RGSL1: variants seen among roughly 807,000 people sequenced by gnomAD.
RGSL1 encodes regulator of G protein signaling protein-like.
In RGSL1, 97 loss-of-function variants were observed where a neutral mutation model predicts 124.7. The ratio of observed to expected loss-of-function variants is 0.78; its 90% CI spans 0.66 to 0.92. RGSL1 has a LOEUF of 0.92. RGSL1 is among the 40% of genes least tolerant of loss of function. The probability of loss-of-function intolerance (pLI) is 0.00; values close to 1 mark genes in which losing one functional copy is unlikely to be tolerated. For synonymous variants in RGSL1, 424 were observed against 438.1 expected (o/e 0.97, Z 0.40); for missense variants, 1,233 against 1,288.4 (o/e 0.96, Z 0.66).
At position 182,459,863 on chromosome 1, in the gene RGSL1, G is replaced by T. The variant is rs1053592420; in HGVS notation, c.172-141G>T. On this transcript the variant is annotated intron_variant, in intron 3 of 21. Coordinates refer to ENST00000294854, the MANE Select transcript of RGSL1 (RefSeq NM_001137669.2). ...CTTAAGTCCAGGTTCCAGGTTTATAGAAATTGTTTTTAATCAACACACCTA... is the reference window on the plus strand; with the variant it reads ...CTTAAGTCCAGGTTCCAGGTTTATATAAATTGTTTTTAATCAACACACCTA... 6.8e-5 allele frequency: 68 copies of T among 995,560 alleles called. 1 individual carries two copies. The highest frequency in any genetic ancestry group is 5.7e-6 in the Non-Finnish European group (4 of 704,736). The allele number at this position is 995,560 out of a possible 1,614,324, so 61.7% of individuals were successfully genotyped here. A position where few individuals can be genotyped will look rare whatever the true frequency, so the allele number is the denominator to read the frequency against.
Position 182,532,653 on chromosome 1 carries a change from T to C in RGSL1, c.2365-9T>C. On this transcript the variant is annotated splice_polypyrimidine_tract_variant and intron_variant, in intron 13 of 21. Coordinates refer to ENST00000294854, the MANE Select transcript of RGSL1 (RefSeq NM_001137669.2). ...AATGAACATGTTATACTCCTCTTTC[T>C]TTCCCCAGAAGAAAGGCTGGATGAG... The C allele has an allele frequency of 6.5e-7, 1 of 1,550,030 alleles. No individual in the cohort carries two copies. The highest frequency in any genetic ancestry group is 8.7e-7 in the Non-Finnish European group (1 of 1,145,904).
At chr1:182,523,252 G>A (rs1204043928) in intron 10 of RGSL1, among the ~76,000 whole-genome samples, 5 of 148,772 alleles carry the variant, frequency 3.4e-5, no homozygotes, top group Non-Finnish European at 3.0e-5. Flanking sequence ...TGTTGCCCAG[G>A]TTGGTCTCAA....
chr1:182,509,720 AC>A (rs1240753793), intron 9 of RGSL1, among the ~76,000 whole-genome samples: 11 of 116,724 alleles, frequency 9.4e-5, no homozygotes, highest in African/African-American at 3.5e-4. Flanking sequence ...CGGGGGGCTG[AC>A]CCCCCCACCT....
chr1:182,535,103 T>C (rs1190564524), intron 14 of RGSL1, among the ~76,000 whole-genome samples: 2 of 152,176 alleles, frequency 1.3e-5, no homozygotes, highest in Non-Finnish European at 2.9e-5. Context: ...TAAGTGACTA[T>C]ATGAGCAGCT....
intron 14 of RGSL1, among the ~76,000 whole-genome samples, chr1:182,535,373 G>T (rs1049823303): frequency 1.3e-5 from 2 of 152,192 alleles, no homozygotes; most frequent in East Asian, 3.8e-4. Flanking sequence ...CAGAGTGTGT[G>T]TGTGTTTGGT....
intron 10 of RGSL1, among the ~76,000 whole-genome samples, chr1:182,524,640 A>AACT (rs1168531443): frequency 6.6e-5 from 10 of 152,232 alleles, no homozygotes; most frequent in Non-Finnish European, 1.5e-5. Context: ...AGTAACTTCT[A>AACT]ACTACTCACA....
rs540778397 is a variant in RGSL1, at chr1:182,482,706, T to C, written c.1432-5579T>C. On this transcript the variant is annotated intron_variant, in intron 6 of 21. Coordinates refer to ENST00000294854, the MANE Select transcript of RGSL1 (RefSeq NM_001137669.2). ...TTGGTGTGACCAGTATGGAAAACAG[T>C]ATGCAGGTTTCTCAAAAAATGAAAA... Among the ~76,000 whole-genome samples the C allele has an allele frequency of 2.6e-5, 4 of 152,292 alleles. No individual in the cohort carries two copies. In the East Asian group the frequency reaches 7.7e-4, roughly 29 times the overall value.
chr1:182,532,011 T>C (rs1329036761), intron 13 of RGSL1, among the ~76,000 whole-genome samples: 3 of 152,220 alleles, frequency 2.0e-5, no homozygotes, highest in Non-Finnish European at 2.9e-5. Context: ...CACTGCTTTC[T>C]GTCTAAAGCG....
At chr1:182,489,576 T>G (rs1444552947) in intron 8 of RGSL1, among the ~76,000 whole-genome samples, 2 of 152,176 alleles carry the variant, frequency 1.3e-5, no homozygotes, top group Admixed American at 6.5e-5. Flanking sequence ...CCACATTTCC[T>G]CCAGAATAGG....
Position 182,510,665 on chromosome 1 carries a change from TGAGAGGGAGAGG to T in RGSL1, c.1826-11308_1826-11297del, listed in dbSNP as rs544748120. ...CATGAGAGGGAGACCGTGGGGAGAG[TGAGAGGGAGAGG>T]GAGAGGGAGAGGGAGAGGGAGAGGG... On this transcript the variant is annotated intron_variant, in intron 9 of 21. Transcript: ENST00000294854. Among the ~76,000 whole-genome samples, 30 of 12,452 alleles carry T rather than the reference TGAGAGGGAGAGG, an allele frequency of 2.4e-3. 11 individuals carry two copies. Among genetic ancestry groups the T allele is most frequent in the Admixed American group, 0.014 (21 of 1,538 alleles). 8.2% of individuals were successfully genotyped at this position (12,452 alleles called of 152,430 possible).
intron 6 of RGSL1, among the ~76,000 whole-genome samples, chr1:182,475,150 C>T (rs1654189943): frequency 6.6e-6 from 1 of 152,158 alleles, no homozygotes; most frequent in Non-Finnish European, 1.5e-5. Context: ...AACCATGAAC[C>T]TCAGAGTATT....
At chr1:182,543,131 A>G (rs1259303053) in intron 15 of RGSL1, among the ~76,000 whole-genome samples, 1 of 152,008 alleles carries the variant, frequency 6.6e-6, no homozygotes, top group Non-Finnish European at 1.5e-5. Flanking sequence ...CTTCTTCCAG[A>G]TCTTAGAGGA....
At chr1:182,527,539 A>T (rs756074214) in intron 10 of RGSL1, 40 bp from the exon 11 acceptor site, 91 of 1,486,912 alleles carry the variant, frequency 6.1e-5, no homozygotes, top group Non-Finnish European at 8.0e-5. Context: ...CAGAATCATC[A>T]TTCCTTTCTC....
At chr1:182,472,582 G>C in intron 5 of RGSL1, 25 bp downstream of exon 5, 1 of 1,492,008 alleles carries the variant, frequency 6.7e-7, no homozygotes, top group Non-Finnish European at 9.0e-7. Context: ...GCATCTTTTT[G>C]GGGGGATGCA....
rs551791127 is a variant in RGSL1, at chr1:182,498,230, C to T, written c.1825+5101C>T. On this transcript the variant is annotated intron_variant, in intron 9 of 21. Coordinates refer to ENST00000294854, the MANE Select transcript of RGSL1 (RefSeq NM_001137669.2). ...ATTATTTTGGTGCTCAAATATTCCC[C>T]AGTTTGGTAAGTGGCACCCATTTCA... Among the ~76,000 whole-genome samples the T allele has an allele frequency of 2.6e-5, 4 of 152,036 alleles. No individual in the cohort carries two copies. The East Asian group carries it at 7.7e-4, about 29-fold the overall frequency.
intron 2 of RGSL1, 131 bp downstream of exon 2, chr1:182,454,171 A>G: frequency 1.6e-6 from 1 of 630,214 alleles, no homozygotes; most frequent in South Asian, 2.0e-5. Flanking sequence ...AAATAAAAAA[A>G]CTCTTTTAAT....
chr1:182,531,933 ATTAGGTTCTGAGAAGCTAAGCTC>A (rs1346420769), intron 13 of RGSL1, among the ~76,000 whole-genome samples: 9 of 152,174 alleles, frequency 5.9e-5, no homozygotes, highest in African/African-American at 1.9e-4. Flanking sequence ...AAATTACACA[ATTAGGTTCTGAGAAGCTAAGCTC>A]CAGACTCAAA....
rs548325816 is a variant in RGSL1, at chr1:182,495,644, A to G, written c.1825+2515A>G. Among the ~76,000 whole-genome samples, 15 of 152,308 alleles carry G rather than the reference A, an allele frequency of 9.8e-5. No homozygotes were observed. In the South Asian group the frequency reaches 3.1e-3, roughly 32 times the overall value. ...CGTTGCAGGGGATTTTTCTCTCCCC[A>G]TCATCTTTCAGGATCACCACTGATA... On this transcript the variant is annotated intron_variant, in intron 9 of 21. Transcript: ENST00000294854.
intron 9 of RGSL1, among the ~76,000 whole-genome samples, chr1:182,502,678 A>G (rs998303254): frequency 6.6e-6 from 1 of 152,194 alleles, no homozygotes; most frequent in African/African-American, 2.4e-5. Flanking sequence ...TAATATCTGC[A>G]TTTATAAGTT....
Sources: gnomAD v4.1 joint callset for allele counts (sites outside exome capture counted in the v4.1 genomes callset) on GRCh38, gnomAD v4.1.1 for gene constraint, MANE v1.5 for transcripts, NCBI Gene and HGNC (gene_info 2026-07-23, HGNC 2026-07-21) for gene names.